The following PRAMEF12 variants were observed in gnomAD, a reference collection of about 807,000 sequenced individuals.
PRAMEF12 encodes the protein PRAME family member 12.
In PRAMEF12, 24 loss-of-function variants were observed where a neutral mutation model predicts 24.6. That is an observed-to-expected ratio of 0.98 (90% confidence interval 0.71 to 1.37). The LOEUF is 1.37. Ranked by LOEUF, PRAMEF12 falls within the 40% of genes most tolerant of loss-of-function variation. PRAMEF12 has a pLI of 0.00. For missense variants in PRAMEF12, 646 were observed against 580.3 expected, an observed-to-expected ratio of 1.11 and a Z score of -1.16; for synonymous variants, 286 against 242.6, an observed-to-expected ratio of 1.18 and a Z score of -1.66.
In PRAMEF12 at chr1:12,774,968, A is replaced by C; in HGVS notation, c.101A>C (p.Glu34Ala). 6.2e-7 allele frequency: 1 copy of C among 1,613,842 alleles called. No individual in the cohort carries two copies. The highest frequency in any genetic ancestry group is 8.5e-7 in the Non-Finnish European group (1 of 1,179,938). Residue 34 changes from glutamate to alanine, a missense_variant, in exon 1 of 3, where the codon GAG becomes GCG. Transcript: ENST00000357726. The part of the protein sequence containing the change: ...AIPTLEELPR[E>A]LFPPLFMEAF... ...CCCACCCTGGAGGAGCTGCCCAGGG[A>C]GCTCTTTCCCCCACTGTTCATGGAG... is the stretch of plus-strand genomic sequence containing the variant.
At position 12,775,750 on chromosome 1, in the gene PRAMEF12, C is replaced by T. The variant is rs878986411; in HGVS notation, c.495C>T (p.Phe165=). Residue 165 remains phenylalanine (F), a synonymous_variant, in exon 2 of 3, where the codon TTC becomes TTT. Transcript: ENST00000357726. ...CGCTGGATGAATGCCTCACCCACTTCTTAGAGTGGGGCAAGCAGAGAAAAG... is the reference window on the plus strand; with the variant it reads ...CGCTGGATGAATGCCTCACCCACTTTTTAGAGTGGGGCAAGCAGAGAAAAG... ...NGTLDECLTH[F]LEWGKQRKGL... is the part of the protein sequence containing the mutation. 6.2e-7 allele frequency: 1 copy of T among 1,613,746 alleles called. No individual in the cohort carries two copies. The highest frequency in any genetic ancestry group is 8.5e-7 in the Non-Finnish European group (1 of 1,179,956).
rs755720273 is a variant in PRAMEF12 at position 12,775,802 on chromosome 1, C to A, written c.547C>A (p.Leu183Met). The A allele has an allele frequency of 6.2e-7, 1 of 1,613,852 alleles. No homozygotes were observed. The highest frequency in any genetic ancestry group is 8.5e-7 in the Non-Finnish European group (1 of 1,179,996). ...CTTACTGCACGTGTGTTGCAAGGAG[C>A]TGCAGATTTTTGGAATAGCCATCCA... ...KGLLHVCCKE[L>M]QIFGIAIHRI... is the part of the protein sequence containing the mutation. The change falls in exon 2 of 3, where the codon CTG (leucine) becomes ATG (methionine). Residue 183 changes from leucine to methionine, a missense_variant. Coordinates refer to ENST00000357726, the MANE Select transcript of PRAMEF12 (RefSeq NM_001080830.5).
At chr1:12,776,953 C>T (rs751772995) in intron 2 of PRAMEF12, 58 bp from the exon 3 acceptor site, 8 of 1,524,596 alleles carry the variant, frequency 5.2e-6, no homozygotes, top group Non-Finnish European at 7.1e-6. Context: ...AAAGTGTCAT[C>T]TCTCACCTTG....
rs563567689 is a variant in PRAMEF12, at chr1:12,773,981, C to T, written c.-887C>T. ...CCTCTAAATGTAGTTTTGTCTTCAT[C>T]CCCCAAAATTGGATTTGTGCTTGGT... is the stretch of plus-strand genomic sequence containing the variant. On this transcript the variant is annotated 5_prime_UTR_variant, in exon 1 of 3. Coordinates refer to ENST00000357726, the MANE Select transcript of PRAMEF12 (RefSeq NM_001080830.5). 1.3e-5 allele frequency among the ~76,000 whole-genome samples: 2 copies of T among 152,050 alleles called. No individual in the cohort carries two copies. Among genetic ancestry groups the T allele is most frequent in the South Asian group, 2.1e-4 (1 of 4,826 alleles).
chr1:12,774,817 AG>A lies in PRAMEF12; in HGVS notation c.-50del. On this transcript the variant is annotated 5_prime_UTR_variant, in exon 1 of 3. It adds an upstream start codon to the 5' untranslated region. Transcript: ENST00000357726. ...TGACATTGGCACTAGGAGATGATGA[AG>A]TGATGTGATTTGCCGTAAGAATGAT... 1 of 1,513,788 alleles carries A rather than the reference AG, an allele frequency of 6.6e-7. No individual in the cohort carries two copies. Among genetic ancestry groups the A allele is most frequent in the East Asian group, 2.3e-5 (1 of 44,174 alleles). 93.8% of individuals were successfully genotyped at this position (1,513,788 alleles called of 1,614,324 possible).
rs1488679990 is a variant in PRAMEF12, at chr1:12,777,755, A to G, written c.*156A>G. On this transcript the variant is annotated 3_prime_UTR_variant, in exon 3 of 3. Transcript: ENST00000357726. ...TGGGGGAAAAGTTGAGTTGGAGTCA[A>G]TAGGAGCTTTAGAGACCTGTGTCCC... 9 of 805,610 alleles carry G rather than the reference A, an allele frequency of 1.1e-5. No homozygotes were observed. Among genetic ancestry groups the G allele is most frequent in the African/African-American group, 1.7e-5 (1 of 57,368 alleles). 49.9% of individuals were successfully genotyped at this position (805,610 alleles called of 1,614,324 possible).
intron 2 of PRAMEF12, among the ~76,000 whole-genome samples, chr1:12,776,738 C>T (rs1015774253): frequency 3.9e-5 from 6 of 152,136 alleles, no homozygotes; most frequent in Admixed American, 3.9e-4. Context: ...CCTGTGTCTC[C>T]ATCGGGCTCC....
In PRAMEF12 at chr1:12,774,444, T is replaced by A. The variant is rs1344983943; in HGVS notation, c.-424T>A. Among the ~76,000 whole-genome samples the A allele has an allele frequency of 2.0e-5, 3 of 152,098 alleles. No individual in the cohort carries two copies. Among genetic ancestry groups the A allele is most frequent in the African/African-American group, 4.8e-5 (2 of 41,406 alleles). ...AAATAATGGCGCTGATTCCAAGGAG[T>A]CCCTTTAGTCTTCTGCAAGCATGTC... On this transcript the variant is annotated 5_prime_UTR_variant, in exon 1 of 3. Transcript: ENST00000357726.
chr1:12,775,286 C>A, intron 1 of PRAMEF12, 132 bp downstream of exon 1: 1 of 1,113,144 alleles, frequency 9.0e-7, no homozygotes, highest in Non-Finnish European at 1.3e-6. Flanking sequence ...CTCAGAGAGG[C>A]CTTGGCCATT....
chr1:12,775,973 A>G lies in PRAMEF12; in HGVS notation c.718A>G (p.Ile240Val), dbSNP rs1223012756. The change falls in exon 2 of 3, where the codon ATC becomes GTC. Residue 240 changes from isoleucine (I) to valine (V), a missense_variant. By Grantham distance (29) the Ile-to-Val change is conservative. Coordinates refer to ENST00000357726, the MANE Select transcript of PRAMEF12 (RefSeq NM_001080830.5). ...RNLRKLVLFN[I>V]HVSACIPLDR... ...TCTCCGCAAACTTGTTCTCTTCAAC[A>G]TCCATGTCTCTGCCTGCATTCCCCT... is the stretch of plus-strand genomic sequence containing the variant. 6.2e-7 allele frequency: 1 copy of G among 1,614,096 alleles called. No individual in the cohort carries two copies. Among genetic ancestry groups the G allele is most frequent in the East Asian group, 2.2e-5 (1 of 44,884 alleles).
At position 12,777,475 on chromosome 1, in the gene PRAMEF12, T is replaced by C. The variant is rs1209322221; in HGVS notation, c.1328T>C (p.Leu443Ser). 1.4e-5 allele frequency: 22 copies of C among 1,613,992 alleles called. No individual in the cohort carries two copies. Among genetic ancestry groups the C allele is most frequent in the African/African-American group, 2.7e-5 (2 of 74,884 alleles). ...GAGCTGATGAAGACACTGAGGGACT[T>C]AAGGCAGCCCAAGATAATTGTGTTC... ...GAELMKTLRD[L>S]RQPKIIVFST... Residue 443 changes from leucine (L) to serine (S), a missense_variant, in exon 3 of 3, where the codon TTA (leucine) becomes TCA (serine). By Grantham distance (145) the Leu-to-Ser change is moderately radical. Transcript: ENST00000357726.
At position 12,774,995 on chromosome 1, in the gene PRAMEF12, C is replaced by A; in HGVS notation, c.128C>A (p.Ala43Asp). The A allele has an allele frequency of 1.2e-6, 2 of 1,614,136 alleles. No homozygotes were observed. The highest frequency in any genetic ancestry group is 1.7e-6 in the Non-Finnish European group (2 of 1,180,008). The change falls in exon 1 of 3, where the codon GCC (alanine) becomes GAC (aspartate). Residue 43 changes from alanine (A) to aspartate (D), a missense_variant. Physicochemically the swap from Ala to Asp is moderately radical, Grantham distance 126 (BLOSUM62 -2). Transcript: ENST00000357726. Reference sequence around the variant, plus strand: ...CTCTTTCCCCCACTGTTCATGGAGGCCTTTACCAGGAGATGCTGCGAGACC... The same window carrying A: ...CTCTTTCCCCCACTGTTCATGGAGGACTTTACCAGGAGATGCTGCGAGACC... ...RELFPPLFME[A>D]FTRRCCETLT...
chr1:12,777,189 G>A lies in PRAMEF12; in HGVS notation c.1042G>A (p.Ala348Thr), dbSNP rs759651755. 1 of 1,613,118 alleles carries A rather than the reference G, an allele frequency of 6.2e-7. No individual in the cohort carries two copies. Among genetic ancestry groups the A allele is most frequent in the African/African-American group, 1.3e-5 (1 of 74,868 alleles). The change falls in exon 3 of 3, where the codon GCC (alanine) becomes ACC (threonine). Residue 348 changes from alanine (A) to threonine (T), a missense_variant. Physicochemically the swap from Ala to Thr is moderately conservative, Grantham distance 58 (BLOSUM62 0). Transcript: ENST00000357726. The stretch of plus-strand genomic sequence containing the variant: ...CTCAGTTCTGCTGGAGCAAGCTGAG[G>A]CCACCCTGCAGACCCTGGACTTAGA... ...PLSVLLEQAEATLQTLDLEDC... is the reference protein window; with the variant it reads ...PLSVLLEQAETTLQTLDLEDC...
chr1:12,777,756 T>A lies in PRAMEF12; in HGVS notation c.*157T>A. 1.3e-6 allele frequency: 1 copy of A among 780,668 alleles called. No homozygotes were observed. The highest frequency in any genetic ancestry group is 2.0e-6 in the Non-Finnish European group (1 of 490,622). The allele number at this position is 780,668 out of a possible 1,614,324, so 48.4% of individuals were successfully genotyped here. On this transcript the variant is annotated 3_prime_UTR_variant, in exon 3 of 3. Transcript: ENST00000357726. ...GGGGGAAAAGTTGAGTTGGAGTCAA[T>A]AGGAGCTTTAGAGACCTGTGTCCCA...
Position 12,774,804 on chromosome 1 carries a change from T to C in PRAMEF12, c.-64T>C, listed in dbSNP as rs537833646. The C allele has an allele frequency of 2.0e-5, 29 of 1,469,646 alleles. No homozygotes were observed. The highest frequency in any genetic ancestry group is 2.4e-5 in the Non-Finnish European group (26 of 1,085,874). 91.0% of individuals were successfully genotyped at this position (1,469,646 alleles called of 1,614,324 possible). A position where few individuals can be genotyped will look rare whatever the true frequency, so the allele number is the denominator to read the frequency against. On this transcript the variant is annotated 5_prime_UTR_variant, in exon 1 of 3. Transcript: ENST00000357726. ...TCTACCAGAGCAATGACATTGGCAC[T>C]AGGAGATGATGAAGTGATGTGATTT... is the stretch of plus-strand genomic sequence containing the variant.
chr1:12,777,886 T>G lies in PRAMEF12; in HGVS notation c.*287T>G. ...ATGGTTGTAAAGAAACAGTCAGAAATAAAGGGAAGCTGAGTGGAAACTGTC... is the reference window on the plus strand; with the variant it reads ...ATGGTTGTAAAGAAACAGTCAGAAAGAAAGGGAAGCTGAGTGGAAACTGTC... On this transcript the variant is annotated 3_prime_UTR_variant, in exon 3 of 3. Transcript: ENST00000357726. 1 of 421,706 alleles carries G rather than the reference T, an allele frequency of 2.4e-6. No homozygotes were observed. The highest frequency in any genetic ancestry group is 3.3e-5 in the South Asian group (1 of 30,140). The allele number at this position is 421,706 out of a possible 1,614,324, so 26.1% of individuals were successfully genotyped here.
rs372769926 is a variant in PRAMEF12, at chr1:12,777,440, A to G, written c.1293A>G (p.Gln431=). 5.5e-5 allele frequency: 88 copies of G among 1,613,996 alleles called. No individual in the cohort carries two copies. In the African/African-American group the frequency reaches 1.1e-3, roughly 21 times the overall value. ...CTCTCTGCTGGGGAAGATTTTCTCA[A>G]CTTGGGGCTGAGCTGATGAAGACAC... ...QGALCWGRFS[Q]LGAELMKTLR... Residue 431 remains glutamine (Q), a synonymous_variant, in exon 3 of 3, where the codon CAA becomes CAG. Transcript: ENST00000357726.
Position 12,774,703 on chromosome 1 carries a change from C to A in PRAMEF12, c.-165C>A, listed in dbSNP as rs981795450. The A allele has an allele frequency of 3.1e-5, 20 of 646,088 alleles. No individual in the cohort carries two copies. Among genetic ancestry groups the A allele is most frequent in the Admixed American group, 6.1e-5 (2 of 32,916 alleles). 40.0% of individuals were successfully genotyped at this position (646,088 alleles called of 1,614,324 possible). A position where few individuals can be genotyped will look rare whatever the true frequency, so the allele number is the denominator to read the frequency against. ...TGTTTGGAAGACATTCTTTATGGTA[C>A]CAGCAAGGGCAGAATTACAGATTTG... On this transcript the variant is annotated 5_prime_UTR_variant, in exon 1 of 3. The change creates a premature stop within an existing upstream ORF in the 5' untranslated region. Coordinates refer to ENST00000357726, the MANE Select transcript of PRAMEF12 (RefSeq NM_001080830.5).
rs562887208 is a variant in PRAMEF12 at position 12,774,450 on chromosome 1, T to A, written c.-418T>A. 6.6e-6 allele frequency among the ~76,000 whole-genome samples: 1 copy of A among 152,342 alleles called. No individual in the cohort carries two copies. Among genetic ancestry groups the A allele is most frequent in the East Asian group, 1.9e-4 (1 of 5,188 alleles). On this transcript the variant is annotated 5_prime_UTR_variant, in exon 1 of 3. Coordinates refer to ENST00000357726, the MANE Select transcript of PRAMEF12 (RefSeq NM_001080830.5). Reference sequence around the variant, plus strand: ...TGGCGCTGATTCCAAGGAGTCCCTTTAGTCTTCTGCAAGCATGTCAATTGT... The same window carrying A: ...TGGCGCTGATTCCAAGGAGTCCCTTAAGTCTTCTGCAAGCATGTCAATTGT...
Sources: allele counts gnomAD v4.1 joint callset (sites outside exome capture counted in the v4.1 genomes callset), GRCh38; gene constraint gnomAD v4.1.1; transcripts MANE v1.5; gene names NCBI Gene and HGNC (gene_info 2026-07-23, HGNC 2026-07-21).